SH3GL2: variants seen among roughly 807,000 people sequenced by gnomAD.
SH3GL2 encodes endophilin-A1.
Under a neutral mutation model 46.0 loss-of-function variants are expected in SH3GL2, and 24 were observed. The observed-to-expected ratio is 0.52, with a 90% confidence interval of 0.38 to 0.73. The LOEUF (loss-of-function observed/expected upper bound fraction) is 0.73, where lower values mean the gene tolerates loss of function less well. SH3GL2 is among the 30% of genes least tolerant of loss of function. The pLI is 0.00. For missense variants in SH3GL2, 413 were observed against 424.2 expected, an observed-to-expected ratio of 0.97 and a Z score of 0.23; for synonymous variants, 196 against 147.1, an observed-to-expected ratio of 1.33 and a Z score of -2.40.
chr9:17,690,858 A>T (rs1449074983), intron 1 of SH3GL2, among the ~76,000 whole-genome samples: 1 of 152,164 alleles, frequency 6.6e-6, no homozygotes, highest in Non-Finnish European at 1.5e-5. Flanking sequence ...TTTGTTCATG[A>T]AGCTTAACCC....
chr9:17,656,621 C>G (rs966721956), intron 1 of SH3GL2, among the ~76,000 whole-genome samples: 3 of 151,808 alleles, frequency 2.0e-5, no homozygotes, highest in Non-Finnish European at 4.4e-5. Flanking sequence ...GAAATAACTG[C>G]CAGTGGTAGC....
At chr9:17,620,640 GC>G (rs1290229343) in intron 1 of SH3GL2, among the ~76,000 whole-genome samples, 5 of 152,164 alleles carry the variant, frequency 3.3e-5, no homozygotes, top group Non-Finnish European at 5.9e-5. Context: ...AATTGGTCAA[GC>G]AGTCCAGCAA....
chr9:17,686,814 A>C (rs1820924026), intron 1 of SH3GL2, among the ~76,000 whole-genome samples: 1 of 147,682 alleles, frequency 6.8e-6, no homozygotes, highest in South Asian at 2.3e-4. Context: ...GGGGAGGGTT[A>C]GCACTGGGAG....
intron 1 of SH3GL2, among the ~76,000 whole-genome samples, chr9:17,702,972 T>C (rs765054345): frequency 6.6e-6 from 1 of 152,072 alleles, no homozygotes; most frequent in African/African-American, 2.4e-5. Context: ...TGCTCTGACC[T>C]GAAAGAAGCC....
chr9:17,712,979 G>T (rs1470566555), intron 1 of SH3GL2, among the ~76,000 whole-genome samples: 1 of 151,368 alleles, frequency 6.6e-6, no homozygotes, highest in Non-Finnish European at 1.5e-5. Context: ...AAAGCATTCA[G>T]TCTTTCACCA....
intron 1 of SH3GL2, among the ~76,000 whole-genome samples, chr9:17,701,683 C>T (rs888571775): frequency 6.6e-6 from 1 of 151,866 alleles, no homozygotes; most frequent in African/African-American, 2.4e-5. Context: ...TAGAAGATAT[C>T]GTGGAAGGAA....
rs745515170 is a variant in SH3GL2 at position 17,715,844 on chromosome 9, T to C, written c.46-31222T>C. Among the ~76,000 whole-genome samples the C allele has an allele frequency of 8.6e-4, 131 of 152,058 alleles. 2 individuals carry two copies. Among genetic ancestry groups the C allele is most frequent in the Non-Finnish European group, 5.1e-4 (35 of 67,972 alleles). On this transcript the variant is annotated intron_variant, in intron 1 of 8. Coordinates refer to ENST00000380607, the MANE Select transcript of SH3GL2 (RefSeq NM_003026.5). ...TTAAACATGCTCAGAACCCTTACAT[T>C]AGCCTGTAGATGAGCAAGTTCATCT...
chr9:17,657,468 T>G lies in SH3GL2; in HGVS notation c.45+78181T>G, dbSNP rs1005151519. Among the ~76,000 whole-genome samples, 13 of 152,270 alleles carry G rather than the reference T, an allele frequency of 8.5e-5. No homozygotes were observed. The East Asian group carries it at 2.5e-3, about 29-fold the overall frequency. ...TGTACCACAAACAGAGGCAGGCTGA[T>G]GAGGTTGACGGATTTTGGTGTTATT... On this transcript the variant is annotated intron_variant, in intron 1 of 8. Coordinates refer to ENST00000380607, the MANE Select transcript of SH3GL2 (RefSeq NM_003026.5).
chr9:17,737,921 A>G (rs186366385), intron 1 of SH3GL2, among the ~76,000 whole-genome samples: 1 of 152,052 alleles, frequency 6.6e-6, no homozygotes, highest in Non-Finnish European at 1.5e-5. Flanking sequence ...ATGTCTGTTC[A>G]TCTGGCTTAC....
At chr9:17,589,671 G>A (rs931900214) in intron 1 of SH3GL2, 4 of 152,286 alleles carry the variant, frequency 2.6e-5, no homozygotes, top group Non-Finnish European at 4.4e-5. Context: ...GGGGAAGGCT[G>A]AGGCCAACAC....
intron 1 of SH3GL2, among the ~76,000 whole-genome samples, chr9:17,746,066 G>A (rs1822672924): frequency 1.3e-5 from 2 of 152,050 alleles, no homozygotes; most frequent in African/African-American, 2.4e-5. Context: ...GAATATAAAA[G>A]TGTATCTAAT....
intron 1 of SH3GL2, among the ~76,000 whole-genome samples, chr9:17,687,533 A>G (rs1255962643): frequency 1.4e-5 from 2 of 147,390 alleles, no homozygotes; most frequent in African/African-American, 5.4e-5. Flanking sequence ...ACAATTGTCA[A>G]CATACAGCAT....
intron 1 of SH3GL2, among the ~76,000 whole-genome samples, chr9:17,672,280 G>A (rs1158926430): frequency 1.3e-5 from 2 of 152,068 alleles, no homozygotes; most frequent in Non-Finnish European, 2.9e-5. Flanking sequence ...TGGTTTCCAG[G>A]CAACCAAACA....
intron 1 of SH3GL2, among the ~76,000 whole-genome samples, chr9:17,665,340 A>G (rs377530935): frequency 2.0e-4 from 31 of 152,172 alleles, no homozygotes; most frequent in African/African-American, 6.3e-4. Context: ...ATCCACTTGT[A>G]TTGTGTTTAA....
chr9:17,653,872 G>A (rs1820009169), intron 1 of SH3GL2: 2 of 981,198 alleles, frequency 2.0e-6, no homozygotes, highest in Non-Finnish European at 2.4e-6. Context: ...ACAAGGGGCT[G>A]ATGCAGAAGG....
At chr9:17,610,632 T>C (rs1481179771) in intron 1 of SH3GL2, among the ~76,000 whole-genome samples, 3 of 152,194 alleles carry the variant, frequency 2.0e-5, no homozygotes, top group Non-Finnish European at 4.4e-5. Context: ...CCTGGCTGAA[T>C]AGTGTTGAAT....
At chr9:17,724,948 A>T (rs534020606) in intron 1 of SH3GL2, among the ~76,000 whole-genome samples, 1 of 152,068 alleles carries the variant, frequency 6.6e-6, no homozygotes, top group South Asian at 2.1e-4. Context: ...CGGTTCAGGG[A>T]ATTTATACTT....
intron 1 of SH3GL2, among the ~76,000 whole-genome samples, chr9:17,649,971 T>C (rs1305872818): frequency 6.6e-6 from 1 of 152,178 alleles, no homozygotes; most frequent in Non-Finnish European, 1.5e-5. Flanking sequence ...CAACTTTAAA[T>C]TGATTAATCT....
chr9:17,794,825 T>C (rs1043836456), intron 8 of SH3GL2, among the ~76,000 whole-genome samples: 1 of 152,202 alleles, frequency 6.6e-6, no homozygotes, highest in African/African-American at 2.4e-5. Context: ...TATGCAACAG[T>C]TTACCTTACC....
Sources: allele counts gnomAD v4.1 joint callset (sites outside exome capture counted in the v4.1 genomes callset), GRCh38; gene constraint gnomAD v4.1.1; transcripts MANE v1.5; gene names NCBI Gene and HGNC (gene_info 2026-07-23, HGNC 2026-07-21).